The following OCLN variants were observed in gnomAD, a reference collection of about 807,000 sequenced individuals.
OCLN encodes the protein occludin.
Under a neutral mutation model 47.9 loss-of-function variants are expected in OCLN, and 21 were observed. That is an observed-to-expected ratio of 0.44 (90% CI 0.31 to 0.63). The LOEUF is 0.63. Among genes scored for constraint, OCLN ranks in the 30% least tolerant of loss-of-function variants. The probability of loss-of-function intolerance (pLI) is 0.08; values close to 1 mark genes in which losing one functional copy is unlikely to be tolerated. For missense variants in OCLN, 360 were observed against 571.0 expected (o/e 0.63, Z 3.77); for synonymous variants, 117 against 198.4 (o/e 0.59, Z 3.45).
intron 4 of OCLN, among the ~76,000 whole-genome samples, chr5:69,516,116 A>G (rs1183476523): frequency 6.6e-6 from 1 of 151,708 alleles, no homozygotes; most frequent in Non-Finnish European, 1.5e-5. Flanking sequence ...AGAGGCTGCA[A>G]TCTTGGCACT....
At chr5:69,504,550 A>G (rs1051509418) in intron 2 of OCLN, among the ~76,000 whole-genome samples, 2 of 152,216 alleles carry the variant, frequency 1.3e-5, no homozygotes, top group South Asian at 2.1e-4. Flanking sequence ...TTATATTTGT[A>G]TGTTCCTTTT....
intron 1 of OCLN, among the ~76,000 whole-genome samples, chr5:69,503,455 A>G (rs1768514128): frequency 1.3e-5 from 2 of 152,144 alleles, no homozygotes; most frequent in South Asian, 4.1e-4. Flanking sequence ...TCACTGTTCC[A>G]TAAGCTAGCC....
intron 1 of OCLN, among the ~76,000 whole-genome samples, chr5:69,499,832 G>A (rs751050443): frequency 3.9e-5 from 6 of 152,106 alleles, no homozygotes; most frequent in African/African-American, 9.7e-5. Flanking sequence ...TGATCCACCC[G>A]CCTCGGCCTC....
chr5:69,514,191 T>C (rs940927904), intron 4 of OCLN, 82 bp downstream of exon 4: 7 of 1,232,598 alleles, frequency 5.7e-6, no homozygotes, highest in African/African-American at 1.5e-5. Flanking sequence ...TTAAACTTTA[T>C]TCTTAGAATT....
chr5:69,554,811 A>T lies in OCLN; in HGVS notation c.*1140A>T, dbSNP rs949375155. 1 of 151,996 alleles carries T rather than the reference A, an allele frequency of 6.6e-6. No individual in the cohort carries two copies. Among genetic ancestry groups the T allele is most frequent in the African/African-American group, 2.4e-5 (1 of 41,386 alleles). The allele number at this position is 151,996 out of a possible 1,614,324, so 9.4% of individuals were successfully genotyped here. ...TTAAAAATTCAGATTCTTATTAGTA[A>T]AATTAGTTGATAGCACTGTGCTGAC... On this transcript the variant is annotated 3_prime_UTR_variant, in exon 9 of 9. Coordinates refer to ENST00000396442, the MANE Select transcript of OCLN (RefSeq NM_001205254.2).
intron 1 of OCLN, among the ~76,000 whole-genome samples, chr5:69,498,668 T>C (rs1286190356): frequency 6.6e-6 from 1 of 152,236 alleles, no homozygotes; most frequent in Non-Finnish European, 1.5e-5. Flanking sequence ...CTAAATGCTC[T>C]TGTATACTTT....
Position 69,509,838 on chromosome 5 carries a change from G to GT in OCLN, c.729+25dup, listed in dbSNP as rs1334936245. 3 of 1,598,686 alleles carry GT rather than the reference G, an allele frequency of 1.9e-6. No homozygotes were observed. In the South Asian group the frequency reaches 3.3e-5, roughly 18 times the overall value. ...CCAGGAGGTATGAGTGGTGTTTTGG[G>GT]TTTTTTCTCCATCTCCTTAGCAGAG... On this transcript the variant is annotated intron_variant, in intron 3 of 8. Coordinates refer to ENST00000396442, the MANE Select transcript of OCLN (RefSeq NM_001205254.2).
intron 4 of OCLN, among the ~76,000 whole-genome samples, chr5:69,515,942 GGCCGGGAAGAGGC>G (rs1768951964): frequency 1.3e-5 from 2 of 151,388 alleles, no homozygotes; most frequent in Admixed American, 6.6e-5. Context: ...ATGGCATGGG[GGCCGGGAAGAGGC>G]GCTCCTCACT....
At chr5:69,537,323 A>C (rs1327405885) in intron 5 of OCLN, among the ~76,000 whole-genome samples, 17 of 46,414 alleles carry the variant, frequency 3.7e-4, no homozygotes, top group African/African-American at 1.4e-3. Flanking sequence ...TTAGTCACCT[A>C]AGTAGCTGAG....
intron 4 of OCLN, 152 bp downstream of exon 4, chr5:69,514,261 T>C: frequency 2.8e-6 from 2 of 710,276 alleles, no homozygotes; most frequent in Non-Finnish European, 4.9e-6. Context: ...TTTAAGAGGA[T>C]GGGCTAAGTG....
At chr5:69,511,114 G>A (rs1561336449) in intron 3 of OCLN, among the ~76,000 whole-genome samples, 2 of 151,052 alleles carry the variant, frequency 1.3e-5, no homozygotes, top group African/African-American at 4.9e-5. Flanking sequence ...TTGCTCTATC[G>A]CCCAGGCTGG....
At chr5:69,527,745 A>G (rs987636811) in intron 4 of OCLN, among the ~76,000 whole-genome samples, 1 of 152,088 alleles carries the variant, frequency 6.6e-6, no homozygotes. Context: ...GATGATCTCT[A>G]TGTTAACATG....
intron 2 of OCLN, among the ~76,000 whole-genome samples, chr5:69,504,817 C>T (rs1768552826): frequency 6.6e-6 from 1 of 152,054 alleles, no homozygotes. Flanking sequence ...CACCTCTAAT[C>T]CCAGCTACTT....
intron 1 of OCLN, among the ~76,000 whole-genome samples, chr5:69,494,260 T>G (rs564715539): frequency 6.6e-6 from 1 of 152,288 alleles, no homozygotes; most frequent in Admixed American, 6.5e-5. Flanking sequence ...TCATCTGGGC[T>G]CACTGCAACC....
At chr5:69,517,191 AG>A (rs1768995808) in intron 4 of OCLN, among the ~76,000 whole-genome samples, 1 of 152,028 alleles carries the variant, frequency 6.6e-6, no homozygotes, top group Non-Finnish European at 1.5e-5. Flanking sequence ...ATTGTCATGA[AG>A]GTATGGCCAC....
At chr5:69,535,828 A>G (rs1272095214) in intron 5 of OCLN, among the ~76,000 whole-genome samples, 1 of 152,070 alleles carries the variant, frequency 6.6e-6, no homozygotes, top group Non-Finnish European at 1.5e-5. Flanking sequence ...ATAAAAGATA[A>G]AAAATGGTAC....
chr5:69,495,987 AAATAC>A, intron 1 of OCLN, among the ~76,000 whole-genome samples: 1 of 152,240 alleles, frequency 6.6e-6, no homozygotes, highest in African/African-American at 2.4e-5. Context: ...GATTTATTAA[AAATAC>A]AATTTCTGAC....
intron 7 of OCLN, among the ~76,000 whole-genome samples, chr5:69,551,033 C>CG (rs1222005094): frequency 1.2e-4 from 6 of 52,166 alleles, no homozygotes; most frequent in Non-Finnish European, 1.7e-4. Flanking sequence ...CAGAAGGGTG[C>CG]GGGGAGGTGC....
At chr5:69,528,026 T>C (rs895582756) in intron 4 of OCLN, among the ~76,000 whole-genome samples, 1 of 152,210 alleles carries the variant, frequency 6.6e-6, no homozygotes, top group Admixed American at 6.5e-5. Flanking sequence ...TAACCAGACA[T>C]GTTCAAACCT....
Sources: gnomAD v4.1 joint callset for allele counts (sites outside exome capture counted in the v4.1 genomes callset) on GRCh38, gnomAD v4.1.1 for gene constraint, MANE v1.5 for transcripts, NCBI Gene and HGNC (gene_info 2026-07-23, HGNC 2026-07-21) for gene names.